Variants in RALYL observed in about 807,000 individuals in gnomAD.
The protein encoded by RALYL is RALY RNA binding protein like.
Under a neutral mutation model 35.1 loss-of-function variants are expected in RALYL, and 29 were observed. The ratio of observed to expected loss-of-function variants is 0.83; its 90% CI spans 0.61 to 1.13. The LOEUF (loss-of-function observed/expected upper bound fraction) is 1.13, where lower values mean the gene tolerates loss of function less well. RALYL is among the 50% of genes most tolerant of loss of function. The probability of loss-of-function intolerance (pLI) is 0.00; values close to 1 mark genes in which losing one functional copy is unlikely to be tolerated. For synonymous variants in RALYL, 120 were observed against 127.6 expected (o/e 0.94, Z 0.40); for missense variants, 359 against 360.4 (o/e 1.00, Z 0.03).
At chr8:84,565,692 A>G (rs2061738280) in intron 2 of RALYL, among the ~76,000 whole-genome samples, 1 of 151,606 alleles carries the variant, frequency 6.6e-6, no homozygotes, top group African/African-American at 2.4e-5. Flanking sequence ...TTAATGTCTG[A>G]ATGCCTGTTG....
At position 84,797,587 on chromosome 8, in the gene RALYL, C is replaced by T. The variant is rs531132191; in HGVS notation, c.333-7183C>T. Reference sequence around the variant, plus strand: ...ATAAAATATTTGCACCCACATTGGTCTTTAAAACTCTTTGAAATGCATATG... The same window carrying T: ...ATAAAATATTTGCACCCACATTGGTTTTTAAAACTCTTTGAAATGCATATG... On this transcript the variant is annotated intron_variant, in intron 3 of 8. Coordinates refer to ENST00000521268, the MANE Select transcript of RALYL (RefSeq NM_173848.7). Among the ~76,000 whole-genome samples, 27 of 152,060 alleles carry T rather than the reference C, an allele frequency of 1.8e-4. No individual in the cohort carries two copies. The South Asian group carries it at 3.5e-3, about 20-fold the overall frequency.
At chr8:84,556,658 G>T (rs963763538) in intron 2 of RALYL, among the ~76,000 whole-genome samples, 12 of 151,994 alleles carry the variant, frequency 7.9e-5, no homozygotes, top group Non-Finnish European at 1.8e-4. Context: ...GTCAGTATTG[G>T]CCATGAAACT....
intron 1 of RALYL, among the ~76,000 whole-genome samples, chr8:84,500,880 T>G (rs1355451371): frequency 1.3e-5 from 2 of 152,162 alleles, no homozygotes; most frequent in Non-Finnish European, 2.9e-5. Flanking sequence ...ATAATTAATT[T>G]TGTTGACAGG....
chr8:84,909,128 C>T (rs933780062), intron 8 of RALYL, among the ~76,000 whole-genome samples: 22 of 152,080 alleles, frequency 1.4e-4, no homozygotes, highest in African/African-American at 5.1e-4. Context: ...TAATGATTTC[C>T]ATCAAAATAG....
chr8:84,733,716 A>G (rs1846675228), intron 2 of RALYL, among the ~76,000 whole-genome samples: 1 of 152,136 alleles, frequency 6.6e-6, no homozygotes, highest in African/African-American at 2.4e-5. Context: ...CAGGATTTAC[A>G]TTATATGGTT....
chr8:84,398,579 C>G (rs1012020762), intron 1 of RALYL, among the ~76,000 whole-genome samples: 3 of 152,038 alleles, frequency 2.0e-5, no homozygotes, highest in Non-Finnish European at 4.4e-5. Context: ...AAACACTTAG[C>G]TCATGGAGTC....
chr8:84,458,951 G>C (rs1306566921), intron 1 of RALYL, among the ~76,000 whole-genome samples: 1 of 151,552 alleles, frequency 6.6e-6, no homozygotes, highest in Non-Finnish European at 1.5e-5. Context: ...GATACCATGA[G>C]AATGAAGAAT....
At chr8:84,753,518 A>G (rs1482067593) in intron 2 of RALYL, among the ~76,000 whole-genome samples, 3 of 152,186 alleles carry the variant, frequency 2.0e-5, no homozygotes, top group Non-Finnish European at 4.4e-5. Context: ...CCCAAATCTC[A>G]TGTCGAAATG....
intron 2 of RALYL, among the ~76,000 whole-genome samples, chr8:84,760,766 C>T (rs190895565): frequency 2.1e-3 from 316 of 152,050 alleles, no homozygotes; most frequent in Middle Eastern, 3.5e-3. Context: ...AGTAAATAAA[C>T]ATTGAGAGAT....
intron 8 of RALYL, among the ~76,000 whole-genome samples, chr8:84,894,327 C>T (rs1844377296): frequency 6.6e-6 from 1 of 152,100 alleles, no homozygotes; most frequent in East Asian, 1.9e-4. Flanking sequence ...ACATGTTCCA[C>T]AAAGGTAGTG....
chr8:84,638,741 A>G (rs550440726), intron 2 of RALYL, among the ~76,000 whole-genome samples: 2 of 151,162 alleles, frequency 1.3e-5, no homozygotes, highest in East Asian at 2.0e-4. Flanking sequence ...CAAGTTAAAC[A>G]ATGAGCAGAA....
intron 2 of RALYL, among the ~76,000 whole-genome samples, chr8:84,720,629 G>A (rs1277874176): frequency 6.6e-6 from 1 of 152,030 alleles, no homozygotes; most frequent in Non-Finnish European, 1.5e-5. Flanking sequence ...GAAAGCAAAA[G>A]TAGAAAAATA....
chr8:84,589,795 T>C (rs999111725), intron 2 of RALYL, among the ~76,000 whole-genome samples: 3 of 152,188 alleles, frequency 2.0e-5, no homozygotes, highest in African/African-American at 7.2e-5. Flanking sequence ...AAGAAACATA[T>C]GAATGTGAAA....
intron 1 of RALYL, among the ~76,000 whole-genome samples, chr8:84,258,124 CG>C (rs926928092): frequency 1.1e-4 from 17 of 152,024 alleles, no homozygotes; most frequent in African/African-American, 4.1e-4. Context: ...GCCACATGTA[CG>C]TAGTGTTGTT....
intron 1 of RALYL, among the ~76,000 whole-genome samples, chr8:84,394,416 G>A (rs368755580): frequency 7.2e-5 from 11 of 152,002 alleles, no homozygotes; most frequent in South Asian, 2.1e-4. Context: ...AACACTTTGC[G>A]TACTTCCATC....
At chr8:84,913,591 T>C (rs1847936675) in intron 8 of RALYL, among the ~76,000 whole-genome samples, 1 of 152,016 alleles carries the variant, frequency 6.6e-6, no homozygotes, top group South Asian at 2.1e-4. Context: ...CTGCAGAGGA[T>C]ATGGCATGAT....
intron 2 of RALYL, among the ~76,000 whole-genome samples, chr8:84,669,496 C>G (rs1588896333): frequency 7.1e-5 from 3 of 42,458 alleles, no homozygotes; most frequent in African/African-American, 3.6e-4. Flanking sequence ...CTCCCCCCCC[C>G]CCCACTCTAT....
intron 2 of RALYL, among the ~76,000 whole-genome samples, chr8:84,730,243 T>G (rs1417376521): frequency 1.3e-5 from 2 of 152,068 alleles, no homozygotes. Flanking sequence ...CACAAATCAA[T>G]AAATGTAATC....
intron 2 of RALYL, among the ~76,000 whole-genome samples, chr8:84,597,107 A>T (rs1370716713): frequency 6.6e-6 from 1 of 152,188 alleles, no homozygotes. Context: ...TCATCTGACT[A>T]AGACAGTGAA....
Sources: allele counts gnomAD v4.1 joint callset (sites outside exome capture counted in the v4.1 genomes callset), GRCh38; gene constraint gnomAD v4.1.1; transcripts MANE v1.5; gene names NCBI Gene and HGNC (gene_info 2026-07-23, HGNC 2026-07-21).